The following GNG8 variants were observed in gnomAD, a reference collection of about 807,000 sequenced individuals.
GNG8 encodes the protein guanine nucleotide-binding protein G(I)/G(S)/G(O) subunit gamma-8.
In GNG8, 3 loss-of-function variants were observed where a neutral mutation model predicts 4.6. The ratio of observed to expected loss-of-function variants is 0.65; its 90% confidence interval spans 0.29 to 1.67. The LOEUF (loss-of-function observed/expected upper bound fraction) is 1.67. Ranked by LOEUF, GNG8 falls within the 40% of genes most tolerant of loss-of-function variation. The pLI is 0.10. For missense variants in GNG8, 88 were observed against 95.2 expected, an observed-to-expected ratio of 0.92 and a Z score of 0.32; for synonymous variants, 32 against 40.5, an observed-to-expected ratio of 0.79 and a Z score of 0.80.
At chr19:46,634,264 A>T in intron 2 of GNG8, 60 bp from the exon 3 acceptor site, 1 of 1,535,900 alleles carries the variant, frequency 6.5e-7, no homozygotes, top group Non-Finnish European at 8.8e-7. Context: ...CCGCCCACTT[A>T]GGCCCCGCCT....
At chr19:46,635,755 G>T (rs1182295685) in intron 1 of GNG8, among the ~76,000 whole-genome samples, 3 of 30,150 alleles carry the variant, frequency 1.0e-4, no homozygotes, top group Non-Finnish European at 1.8e-4. Flanking sequence ...GATGGAGGGA[G>T]GGGGTGTGGG....
At chr19:46,634,517 A>T in intron 2 of GNG8, 82 bp downstream of exon 2, 1 of 1,292,264 alleles carries the variant, frequency 7.7e-7, no homozygotes, top group East Asian at 2.4e-5. Flanking sequence ...TCCTTGCACT[A>T]TGGCTCCGAG....
rs1345765197 is a variant in GNG8 at position 46,634,734 on chromosome 19, G to C, written c.-43-9C>G. ...ACGCGCGGGAGTGGGGGCTGTGGGG[G>C]TAGGTTAGGATACGTCTGGGTCCCG... is the stretch of plus-strand genomic sequence containing the variant. On this transcript the variant is annotated splice_polypyrimidine_tract_variant and intron_variant, in intron 1 of 2. Coordinates refer to ENST00000693335, the MANE Select transcript of GNG8 (RefSeq NM_033258.2). The C allele has an allele frequency of 2.0e-6, 3 of 1,490,372 alleles. No homozygotes were observed. The highest frequency in any genetic ancestry group is 2.8e-6 in the Non-Finnish European group (3 of 1,071,892). The allele number at this position is 1,490,372 out of a possible 1,614,324, so 92.3% of individuals were successfully genotyped here.
At chr19:46,638,053 TCTA>T (rs2052879713), upstream of GNG8, 1 of 152,954 alleles carries the variant, frequency 6.5e-6, no homozygotes, top group Non-Finnish European at 1.5e-5. The surrounding 1 kb of genome is among the most constrained non-coding windows in gnomAD (Gnocchi z 4.7). Context: ...TCACACAGAA[TCTA>T]CTTGTGTGAC....
Position 46,634,692 on chromosome 19 carries a change from G to T in GNG8, c.-10C>A, listed in dbSNP as rs769649158. The T allele has an allele frequency of 6.2e-7, 1 of 1,612,176 alleles. No individual in the cohort carries two copies. Among genetic ancestry groups the T allele is most frequent in the Non-Finnish European group, 8.5e-7 (1 of 1,179,406 alleles). On this transcript the variant is annotated 5_prime_UTR_variant, in exon 2 of 3. Transcript: ENST00000693335. ...CCATGTTGTTGGACATGGTTGCGGCGGGGAAGGGGTTAAAAGACGCGCGGG... is the reference window on the plus strand; with the variant it reads ...CCATGTTGTTGGACATGGTTGCGGCTGGGAAGGGGTTAAAAGACGCGCGGG...
At chr19:46,636,653 C>T (rs1046943798), upstream of GNG8, among the ~76,000 whole-genome samples, 2 of 152,194 alleles carry the variant, frequency 1.3e-5, no homozygotes, top group Admixed American at 6.5e-5. Context: ...CAACCTCACA[C>T]GGTTGCCCCA....
chr19:46,634,353 G>T, intron 2 of GNG8, 149 bp from the exon 3 acceptor site: 1 of 955,570 alleles, frequency 1.0e-6, no homozygotes, highest in Non-Finnish European at 1.5e-6. Context: ...CCTCGTCCTG[G>T]CCCCTCCCCT....
intron 1 of GNG8, among the ~76,000 whole-genome samples, chr19:46,634,945 G>C (rs576481384): frequency 1.3e-5 from 2 of 152,004 alleles, no homozygotes; most frequent in Non-Finnish European, 2.9e-5. Context: ...GCGAGGGAGG[G>C]AAGGAGGGGC....
rs1482540296 is a variant in GNG8 at position 46,634,672 on chromosome 19, T to C, written c.11A>G (p.Asn4Ser). 3.7e-6 allele frequency: 6 copies of C among 1,612,530 alleles called. No homozygotes were observed. The highest frequency in any genetic ancestry group is 4.2e-6 in the Non-Finnish European group (5 of 1,179,664). Residue 4 changes from asparagine to serine, a missense_variant, in exon 2 of 3, where the codon AAC (asparagine) becomes AGC (serine). Transcript: ENST00000693335. The stretch of plus-strand genomic sequence containing the variant: ...GCGGGCCTCGGCAATCTTGGCCATG[T>C]TGTTGGACATGGTTGCGGCGGGGAA... The part of the protein sequence containing the change: MSN[N>S]MAKIAEARKT...
upstream of GNG8, chr19:46,637,976 A>G (rs948085661): frequency 3.3e-5 from 5 of 152,614 alleles, no homozygotes; most frequent in African/African-American, 9.7e-5. Context: ...CAGGCCCCCT[A>G]TGTGCCTCTC....
upstream of GNG8, among the ~76,000 whole-genome samples, chr19:46,636,633 T>C (rs539995292): frequency 1.1e-4 from 16 of 152,180 alleles, no homozygotes; most frequent in East Asian, 2.9e-3. Flanking sequence ...ACGAATGACC[T>C]TGCTCAACAC....
upstream of GNG8, among the ~76,000 whole-genome samples, chr19:46,636,528 C>T (rs548130162): frequency 2.6e-5 from 4 of 152,314 alleles, no homozygotes; most frequent in South Asian, 8.3e-4. Context: ...CACTCGCCAC[C>T]TCGGTGTCAC....
chr19:46,637,977 T>G (rs2052879267), upstream of GNG8: 1 of 152,724 alleles, frequency 6.5e-6, no homozygotes, highest in Admixed American at 6.5e-5. Flanking sequence ...AGGCCCCCTA[T>G]GTGCCTCTCA....
At chr19:46,636,823 G>C (rs12984626), upstream of GNG8, 106,946 of 145,596 alleles carry the variant, frequency 0.73, 39,087 homozygotes, top group East Asian at 0.89. Context: ...ATGAAGTCTC[G>C]CTGTGTTGCC....
chr19:46,634,530 G>A (rs543089324), intron 2 of GNG8, 69 bp downstream of exon 2: 24 of 1,406,738 alleles, frequency 1.7e-5, no homozygotes, highest in Middle Eastern at 4.5e-4. Flanking sequence ...GCTCCGAGCC[G>A]GGCCGACACA....
At position 46,634,668 on chromosome 19, in the gene GNG8, C is replaced by G; in HGVS notation, c.15G>C (p.Met5Ile). 1 of 1,613,024 alleles carries G rather than the reference C, an allele frequency of 6.2e-7. No individual in the cohort carries two copies. Among genetic ancestry groups the G allele is most frequent in the Non-Finnish European group, 8.5e-7 (1 of 1,179,870 alleles). Residue 5 changes from methionine to isoleucine, a missense_variant, in exon 2 of 3, where the codon ATG becomes ATC. Coordinates refer to ENST00000693335, the MANE Select transcript of GNG8 (RefSeq NM_033258.2). ...TCTTGCGGGCCTCGGCAATCTTGGC[C>G]ATGTTGTTGGACATGGTTGCGGCGG... Reference protein sequence around the residue: MSNNMAKIAEARKTV... With the variant: MSNNIAKIAEARKTV...
At position 46,635,078 on chromosome 19, in the gene GNG8, AG is replaced by A. The variant is rs1232665347; in HGVS notation, c.-43-354del. On this transcript the variant is annotated intron_variant, in intron 1 of 2. Transcript: ENST00000693335. ...GGGCCCCTCCCCCAGGCCAATTAGC[AG>A]TGGCTCCAGGGAGAACTGGGAATTA... 5.9e-5 allele frequency among the ~76,000 whole-genome samples: 9 copies of A among 152,246 alleles called. No homozygotes were observed. In the South Asian group the frequency reaches 1.4e-3, roughly 25 times the overall value.
chr19:46,634,456 C>A (rs1248767002), intron 2 of GNG8, 143 bp downstream of exon 2: 16 of 568,660 alleles, frequency 2.8e-5, no homozygotes, highest in African/African-American at 2.4e-4. Flanking sequence ...CTCGTCCTGG[C>A]CCCTCCTCCT....
At position 46,636,170 on chromosome 19, in the gene GNG8, C is replaced by G. The variant is rs28440959; in HGVS notation, c.-67G>C. Among the ~76,000 whole-genome samples the G allele has an allele frequency of 0.98, 148,360 of 152,142 alleles. 72,389 individuals are homozygous for G. Among genetic ancestry groups the G allele is most frequent in the African/African-American group, 0.99 (41,197 of 41,498 alleles). On this transcript the variant is annotated 5_prime_UTR_variant, in exon 1 of 3. Transcript: ENST00000693335. Reference sequence around the variant, plus strand: ...ACCTGTTGCTGCTCTGGGCCGGGCTCGCGGCGGTGACAGAGGCTGGGAGGC... The same window carrying G: ...ACCTGTTGCTGCTCTGGGCCGGGCTGGCGGCGGTGACAGAGGCTGGGAGGC...
Sources: allele counts gnomAD v4.1 joint callset (sites outside exome capture counted in the v4.1 genomes callset), GRCh38; gene constraint gnomAD v4.1.1; non-coding constraint Gnocchi (gnomAD v3.1); transcripts MANE v1.5; gene names NCBI Gene and HGNC (gene_info 2026-07-23, HGNC 2026-07-21).